USP28: variants seen among roughly 807,000 people sequenced by gnomAD.
USP28 encodes the protein ubiquitin carboxyl-terminal hydrolase 28.
In USP28, 113 loss-of-function variants were observed where a neutral mutation model predicts 145.0. That is an observed-to-expected ratio of 0.78 (90% confidence interval 0.67 to 0.91). The LOEUF (loss-of-function observed/expected upper bound fraction) is 0.91, where lower values mean the gene tolerates loss of function less well. Among genes scored for constraint, USP28 ranks in the 40% least tolerant of loss-of-function variants. USP28 has a pLI of 0.00. For missense variants in USP28, 1,201 were observed against 1,289.6 expected, an observed-to-expected ratio of 0.93 and a Z score of 1.05; for synonymous variants, 447 against 450.9, an observed-to-expected ratio of 0.99 and a Z score of 0.11.
intron 3 of USP28, among the ~76,000 whole-genome samples, chr11:113,843,458 G>T (rs986070277): frequency 5.3e-5 from 8 of 152,030 alleles, no homozygotes; most frequent in Non-Finnish European, 1.2e-4. Flanking sequence ...GATCACCTGA[G>T]ATTGGGAGTT....
Position 113,809,059 on chromosome 11 carries a change from A to G in USP28, c.2164+4T>C. On this transcript the variant is annotated splice_donor_region_variant and intron_variant, in intron 17 of 24. Coordinates refer to ENST00000003302, the Ensembl canonical transcript of USP28. ...ATCACTGGCATAAATGCCTTCTCAG[A>G]TACCTTGTGATGTAGAGTAGTCCTG... 1 of 1,610,870 alleles carries G rather than the reference A, an allele frequency of 6.2e-7. No homozygotes were observed. The highest frequency in any genetic ancestry group is 8.5e-7 in the Non-Finnish European group (1 of 1,178,862).
chr11:113,854,441 G>T, intron 1 of USP28, 106 bp from the exon 2 acceptor site: 1 of 1,080,966 alleles, frequency 9.3e-7, no homozygotes, highest in Non-Finnish European at 1.3e-6. Flanking sequence ...CCTGAGGCTT[G>T]CCCAGGCTGG....
intron 3 of USP28, among the ~76,000 whole-genome samples, chr11:113,849,264 A>G (rs1357702587): frequency 6.6e-6 from 1 of 152,202 alleles, no homozygotes; most frequent in Non-Finnish European, 1.5e-5. Flanking sequence ...ACACTTTGAC[A>G]GTTTCCCAAT....
intron 21 of USP28, 56 bp from the exon 23 acceptor site, chr11:113,803,933 T>C (rs1939494732): frequency 6.8e-7 from 1 of 1,480,018 alleles, no homozygotes; most frequent in African/African-American, 1.4e-5. Flanking sequence ...GTTAGTGTCC[T>C]TCCCATCTAA....
At chr11:113,844,673 C>G (rs777721200) in intron 3 of USP28, among the ~76,000 whole-genome samples, 1 of 152,068 alleles carries the variant, frequency 6.6e-6, no homozygotes, top group African/African-American at 2.4e-5. Context: ...CACTAATCAT[C>G]AGAAAAATGC....
chr11:113,835,043 T>C (rs1206254246), intron 5 of USP28, among the ~76,000 whole-genome samples: 3 of 152,090 alleles, frequency 2.0e-5, no homozygotes, highest in Non-Finnish European at 4.4e-5. Flanking sequence ...GAACAGAAAT[T>C]TGTAACATTA....
intron 18 of USP28, chr11:113,808,105 G>A: frequency 2.0e-6 from 3 of 1,483,822 alleles, no homozygotes. Context: ...TGTTTCCTGG[G>A]GCATGGGCTT....
chr11:113,857,024 A>G (rs778866563), intron 1 of USP28, among the ~76,000 whole-genome samples: 18 of 152,234 alleles, frequency 1.2e-4, no homozygotes, highest in Non-Finnish European at 2.4e-4. Context: ...TAAATATTAC[A>G]TTTGACTAAA....
chr11:113,850,647 G>A (rs748933842), intron 3 of USP28, among the ~76,000 whole-genome samples: 2 of 152,134 alleles, frequency 1.3e-5, no homozygotes, highest in African/African-American at 2.4e-5. Flanking sequence ...AGAAGCCTCC[G>A]TGGCTTCCAG....
At chr11:113,869,557 C>A (rs988012326) in intron 1 of USP28, among the ~76,000 whole-genome samples, 38 of 152,302 alleles carry the variant, frequency 2.5e-4, no homozygotes, top group Admixed American at 1.8e-3. Flanking sequence ...TGTCACCACA[C>A]TCCAGCTTGG....
chr11:113,856,256 A>G (rs1039165207), intron 1 of USP28, among the ~76,000 whole-genome samples: 4 of 152,226 alleles, frequency 2.6e-5, no homozygotes, highest in Admixed American at 2.6e-4. Context: ...TTTCTAAAAG[A>G]TCAACATCAA....
At chr11:113,821,372 C>A in intron 12 of USP28, 1 of 228,930 alleles carries the variant, frequency 4.4e-6, no homozygotes, top group South Asian at 8.1e-5. Flanking sequence ...AGCCAATTGC[C>A]ACTATTCTTC....
At chr11:113,838,361 A>C (rs1944816461) in intron 5 of USP28, among the ~76,000 whole-genome samples, 1 of 152,198 alleles carries the variant, frequency 6.6e-6, no homozygotes, top group Non-Finnish European at 1.5e-5. Context: ...AAGTATGATC[A>C]TATCACTTCT....
intron 3 of USP28, among the ~76,000 whole-genome samples, chr11:113,844,607 C>T (rs937453276): frequency 6.6e-6 from 1 of 152,164 alleles, no homozygotes; most frequent in Non-Finnish European, 1.5e-5. Flanking sequence ...TCTGAATTGA[C>T]ATTTCTCCAA....
chr11:113,829,300 T>C, exon 10 of USP28: 1 of 1,614,178 alleles, frequency 6.2e-7, no homozygotes. Flanking sequence ...ACCGTTTACC[T>C]GAAGAGGATA....
intron 1 of USP28, among the ~76,000 whole-genome samples, chr11:113,865,011 C>G (rs976606147): frequency 2.6e-5 from 4 of 152,048 alleles, no homozygotes; most frequent in Non-Finnish European, 5.9e-5. Context: ...TAAGATTTTT[C>G]ATATTTTCGG....
intron 1 of USP28, among the ~76,000 whole-genome samples, chr11:113,870,085 C>T (rs1269774041): frequency 2.6e-5 from 4 of 152,140 alleles, no homozygotes; most frequent in South Asian, 2.1e-4. Context: ...TCACTTGAAC[C>T]CAGGAGGCGG....
At chr11:113,841,268 C>T (rs952133428) in intron 4 of USP28, among the ~76,000 whole-genome samples, 1 of 152,090 alleles carries the variant, frequency 6.6e-6, no homozygotes, top group African/African-American at 2.4e-5. Flanking sequence ...CAATTAGTAC[C>T]AGTTCAAAAA....
intron 7 of USP28, 48 bp from the exon 8 acceptor site, chr11:113,832,041 G>T (rs753454819): frequency 6.7e-7 from 1 of 1,483,908 alleles, no homozygotes; most frequent in South Asian, 1.1e-5. Flanking sequence ...AATACTAAGA[G>T]AAATTAAAAT....
Sources: gnomAD v4.1 joint callset for allele counts (sites outside exome capture counted in the v4.1 genomes callset) on GRCh38, gnomAD v4.1.1 for gene constraint, MANE v1.5 for transcripts, NCBI Gene and HGNC (gene_info 2026-07-23, HGNC 2026-07-21) for gene names.